Variants in RGL1 observed in about 807,000 individuals in gnomAD.
RGL1 encodes ral guanine nucleotide dissociation stimulator like 1.
Under a neutral mutation model 95.2 loss-of-function variants are expected in RGL1, and 24 were observed. The ratio of observed to expected loss-of-function variants is 0.25; its 90% confidence interval spans 0.18 to 0.35. The LOEUF (loss-of-function observed/expected upper bound fraction) is 0.35. Among genes scored for constraint, RGL1 ranks in the 10% least tolerant of loss-of-function variants. The pLI is 1.00. For missense variants in RGL1, 715 were observed against 936.3 expected, an observed-to-expected ratio of 0.76 and a Z score of 3.08; for synonymous variants, 329 against 344.9, an observed-to-expected ratio of 0.95 and a Z score of 0.51.
chr1:183,684,486 A>C (rs1039936197), intron 1 of RGL1, among the ~76,000 whole-genome samples: 1 of 152,206 alleles, frequency 6.6e-6, no homozygotes, highest in African/African-American at 2.4e-5. Context: ...CTGTGCTGGC[A>C]GCAAGAATTT....
intron 1 of RGL1, chr1:183,652,994 T>G (rs1650876719): frequency 6.6e-6 from 1 of 152,236 alleles, no homozygotes; most frequent in Non-Finnish European, 1.5e-5. Context: ...CTGGAGTAAT[T>G]GGAGAATGGA....
At chr1:183,712,935 A>G (rs1655373613) in intron 1 of RGL1, among the ~76,000 whole-genome samples, 1 of 152,212 alleles carries the variant, frequency 6.6e-6, no homozygotes, top group African/African-American at 2.4e-5. Context: ...GGTGATTTTT[A>G]TCAGTTGGCA....
intron 2 of RGL1, among the ~76,000 whole-genome samples, chr1:183,841,758 C>T (rs1490646773): frequency 2.0e-5 from 3 of 152,112 alleles, no homozygotes; most frequent in South Asian, 2.1e-4. Context: ...GAAATTTATG[C>T]AGTTGAGTAA....
chr1:183,906,993 G>GC lies in RGL1; in HGVS notation c.1473-14dup, dbSNP rs1302607301. 2.1e-6 allele frequency: 3 copies of GC among 1,458,906 alleles called. No homozygotes were observed. Among genetic ancestry groups the GC allele is most frequent in the East Asian group, 2.3e-5 (1 of 44,054 alleles). 90.4% of individuals were successfully genotyped at this position (1,458,906 alleles called of 1,614,324 possible). ...AATTCTCTAACTTTGACCTCATGGA[G>GC]CCCCCTTCTCTTTCTCAGCTATGCC... On this transcript the variant is annotated intron_variant, in intron 13 of 17. Coordinates refer to ENST00000360851, the MANE Select transcript of RGL1 (RefSeq NM_001297671.3).
At chr1:183,643,426 G>A (rs1320283338) in intron 1 of RGL1, among the ~76,000 whole-genome samples, 1 of 151,814 alleles carries the variant, frequency 6.6e-6, no homozygotes, top group Non-Finnish European at 1.5e-5. Flanking sequence ...CAAGTAGCTG[G>A]GACTACAGGT....
rs1667791030 is a variant in RGL1 at position 183,897,879 on chromosome 1, G to A, written c.1212G>A (p.Leu404=). The A allele has an allele frequency of 6.2e-7, 1 of 1,613,908 alleles. No individual in the cohort carries two copies. Among genetic ancestry groups the A allele is most frequent in the Non-Finnish European group, 8.5e-7 (1 of 1,179,846 alleles). Residue 404 remains leucine, a synonymous_variant, in exon 10 of 18, where the codon CTG becomes CTA. Coordinates refer to ENST00000360851, the MANE Select transcript of RGL1 (RefSeq NM_001297671.3). The stretch of plus-strand genomic sequence containing the variant: ...ACCAGAAGCGTACCCAGAGGCGGCT[G>A]CAGCTCCAGAAGGACATGGTATGTC... ...KENQKRTQRR[L]QLQKDMGVMQ...
intron 1 of RGL1, among the ~76,000 whole-genome samples, chr1:183,659,487 C>T (rs6688864): frequency 0.069 from 10,418 of 151,714 alleles, 614 homozygotes; most frequent in African/African-American, 0.16. Flanking sequence ...TGAAATGAAG[C>T]GAGAAGGGAA....
At chr1:183,672,274 A>G (rs183533753) in intron 1 of RGL1, among the ~76,000 whole-genome samples, 2 of 152,288 alleles carry the variant, frequency 1.3e-5, no homozygotes, top group Admixed American at 6.5e-5. Context: ...GTGTTTAGGT[A>G]TGGATTTATC....
chr1:183,721,686 A>G lies in RGL1; in HGVS notation c.-32-20440A>G, dbSNP rs116920899. On this transcript the variant is annotated intron_variant, in intron 1 of 18. Transcript: ENST00000304685. ...CTTGTGCCTGTTGTTTCCTCTCTTC[A>G]GGATGAAGTTTCTTCACCTTTGGCC... is the stretch of plus-strand genomic sequence containing the variant. Among the ~76,000 whole-genome samples the G allele has an allele frequency of 1.8e-3, 274 of 152,316 alleles. 6 individuals carry two copies. The East Asian group carries it at 0.042, about 23-fold the overall frequency.
chr1:183,767,017 A>T (rs1167035617), intron 2 of RGL1, among the ~76,000 whole-genome samples: 1 of 151,956 alleles, frequency 6.6e-6, no homozygotes, highest in Non-Finnish European at 1.5e-5. Context: ...GGAGTTTGAG[A>T]CCAGCCTGGG....
chr1:183,884,932 C>T lies in RGL1; in HGVS notation c.945C>T (p.Ile315=), dbSNP rs143363384. The change falls in exon 7 of 18, where the codon ATC becomes ATT. Residue 315 remains isoleucine (I), a synonymous_variant. Transcript: ENST00000360851. ...RAKIIEKWIN[I]AHECRLLKNF... ...AAATCATTGAGAAGTGGATCAACAT[C>T]GCTCATGTAATTGTCTTTTATAAAA... 29 of 1,612,868 alleles carry T rather than the reference C, an allele frequency of 1.8e-5. No homozygotes were observed. Among genetic ancestry groups the T allele is most frequent in the Middle Eastern group, 1.7e-4 (1 of 6,060 alleles).
At chr1:183,906,264 C>A (rs893776002) in intron 13 of RGL1, among the ~76,000 whole-genome samples, 7 of 152,168 alleles carry the variant, frequency 4.6e-5, no homozygotes, top group African/African-American at 1.7e-4. Context: ...TAACGAAATA[C>A]ATCTACTGTC....
At chr1:183,750,752 A>G (rs1029230403) in intron 2 of RGL1, among the ~76,000 whole-genome samples, 2 of 152,144 alleles carry the variant, frequency 1.3e-5, no homozygotes, top group Non-Finnish European at 2.9e-5. Flanking sequence ...TTGCGTGGGC[A>G]TCCTATTTGT....
intron 7 of RGL1, among the ~76,000 whole-genome samples, chr1:183,887,875 C>G (rs1572556729): frequency 6.6e-6 from 1 of 152,082 alleles, no homozygotes; most frequent in Non-Finnish European, 1.5e-5. Context: ...ATTGAAGTAC[C>G]AAGGTGTTTT....
intron 2 of RGL1, among the ~76,000 whole-genome samples, chr1:183,809,655 C>T (rs969466469): frequency 2.6e-5 from 4 of 152,102 alleles, no homozygotes; most frequent in African/African-American, 7.2e-5. Flanking sequence ...CATTAAAGAG[C>T]AATTCCGAGC....
At chr1:183,810,721 C>T (rs1247994006) in intron 2 of RGL1, among the ~76,000 whole-genome samples, 4 of 152,300 alleles carry the variant, frequency 2.6e-5, no homozygotes, top group Non-Finnish European at 5.9e-5. Flanking sequence ...TTTAGATTGA[C>T]TCTACCTGGC....
At chr1:183,784,122 G>A (rs1454376558) in intron 2 of RGL1, among the ~76,000 whole-genome samples, 1 of 152,200 alleles carries the variant, frequency 6.6e-6, no homozygotes, top group African/African-American at 2.4e-5. Flanking sequence ...GGCAAACTGG[G>A]AGGGACCAGA....
At chr1:183,697,987 A>G (rs1572290364) in intron 1 of RGL1, among the ~76,000 whole-genome samples, 1 of 152,084 alleles carries the variant, frequency 6.6e-6, no homozygotes, top group Non-Finnish European at 1.5e-5. Context: ...AAGCCAGGGT[A>G]TTTTCCCCTC....
intron 11 of RGL1, among the ~76,000 whole-genome samples, chr1:183,901,373 A>G (rs536942528): frequency 2.0e-5 from 3 of 151,878 alleles, no homozygotes; most frequent in East Asian, 1.9e-4. Context: ...TATAATCCCA[A>G]CTACTCTGGA....
Sources: allele counts gnomAD v4.1 joint callset (sites outside exome capture counted in the v4.1 genomes callset), GRCh38; gene constraint gnomAD v4.1.1; transcripts MANE v1.5; gene names NCBI Gene and HGNC (gene_info 2026-07-23, HGNC 2026-07-21).